Variants in NOTCH4 observed in about 807,000 individuals in gnomAD.
NOTCH4 encodes neurogenic locus notch homolog protein 4.
Under a neutral mutation model 189.0 loss-of-function variants are expected in NOTCH4, and 138 were observed. That is an observed-to-expected ratio of 0.73 (90% CI 0.64 to 0.84). The LOEUF (loss-of-function observed/expected upper bound fraction) is 0.84. NOTCH4 is among the 40% of genes least tolerant of loss of function. The probability of loss-of-function intolerance (pLI) is 0.00; values close to 1 mark genes in which losing one functional copy is unlikely to be tolerated. For synonymous variants in NOTCH4, 942 were observed against 1,032.8 expected, an observed-to-expected ratio of 0.91 and a Z score of 1.69; for missense variants, 2,286 against 2,605.4, an observed-to-expected ratio of 0.88 and a Z score of 2.67.
At position 32,197,496 on chromosome 6, in the gene NOTCH4, G is replaced by T. The variant is rs755664291; in HGVS notation, c.4855C>A (p.Leu1619Met). The T allele has an allele frequency of 3.7e-6, 6 of 1,606,116 alleles. No homozygotes were observed. Among genetic ancestry groups the T allele is most frequent in the Non-Finnish European group, 5.1e-6 (6 of 1,176,154 alleles). ...TGGGGACAGGCCCCTCCATCCAGCAGAGGTTCCCAGGGCTCAGGACATCCC... is the reference window on the plus strand; with the variant it reads ...TGGGGACAGGCCCCTCCATCCAGCATAGGTTCCCAGGGCTCAGGACATCCC... ...WLGCPEPWEPLLDGGACPQAH... is the reference protein window; with the variant it reads ...WLGCPEPWEPMLDGGACPQAH... Residue 1619 changes from leucine (L) to methionine (M), a missense_variant, in exon 27 of 30, where the codon CTG becomes ATG. Physicochemically the swap from Leu to Met is conservative, Grantham distance 15. Around this residue, in one of 2 missense-constraint regions of NOTCH4, gnomAD observed 1,903 missense variants for 2,261.9 expected, o/e 0.84. Transcript: ENST00000375023.
In NOTCH4 at chr6:32,200,401, G is replaced by T. The variant is rs1788264540; in HGVS notation, c.4315+430C>A. ...AATTTTTTTATTTTTAGTAGAGACAGGGTTTCACCGCATTAGCCAGGATGG... is the reference window on the plus strand; with the variant it reads ...AATTTTTTTATTTTTAGTAGAGACATGGTTTCACCGCATTAGCCAGGATGG... On this transcript the variant is annotated intron_variant, in intron 23 of 29. Transcript: ENST00000375023. The surrounding 1 kb of genome is among the most constrained non-coding windows in gnomAD (Gnocchi z 5.0). Among the ~76,000 whole-genome samples, 1 of 152,048 alleles carries T rather than the reference G, an allele frequency of 6.6e-6. No homozygotes were observed. The highest frequency in any genetic ancestry group is 1.5e-5 in the Non-Finnish European group (1 of 68,010).
Position 32,219,465 on chromosome 6 carries a change from A to G in NOTCH4, c.1510+127T>C, listed in dbSNP as rs1203591174. On this transcript the variant is annotated intron_variant, in intron 8 of 29. Coordinates refer to ENST00000375023, the MANE Select transcript of NOTCH4 (RefSeq NM_004557.4). The stretch of plus-strand genomic sequence containing the variant: ...TCCCTGAGTTTTCGTCTGGGGGTAG[A>G]GAGAGAAGCATCTGTGGTAACTTAC... The G allele has an allele frequency of 3.1e-5, 26 of 842,972 alleles. No homozygotes were observed. The South Asian group carries it at 3.7e-4, about 12-fold the overall frequency. 52.2% of individuals were successfully genotyped at this position (842,972 alleles called of 1,614,324 possible). A position where few individuals can be genotyped will look rare whatever the true frequency, so the allele number is the denominator to read the frequency against.
rs754490859 is a variant in NOTCH4, at chr6:32,195,925, G to A, written c.5524C>T (p.Arg1842Cys). 42 of 1,586,714 alleles carry A rather than the reference G, an allele frequency of 2.6e-5. No homozygotes were observed. The highest frequency in any genetic ancestry group is 3.6e-5 in the Non-Finnish European group (42 of 1,173,880). The change falls in exon 30 of 30, where the codon CGC becomes TGC. Residue 1842 changes from arginine to cysteine, a missense_variant. Coordinates refer to ENST00000375023, the MANE Select transcript of NOTCH4 (RefSeq NM_004557.4). The surrounding 1 kb of genome is among the most constrained non-coding windows in gnomAD (Gnocchi z 5.4). ...TPGREAGPFP[R>C]ARTVSVSVPP... The stretch of plus-strand genomic sequence containing the variant: ...ACGCTTACTGACACCGTCCGTGCGC[G>A]CGGGAAGGGCCCAGCCTCGCGGCCC...
chr6:32,209,848 C>A (rs9267832), intron 18 of NOTCH4, among the ~76,000 whole-genome samples: 40,295 of 151,062 alleles, frequency 0.27, 5,694 homozygotes, highest in Middle Eastern at 0.41. Flanking sequence ...ATGCCACTGC[C>A]CTTCAGCCTG....
intron 1 of NOTCH4, among the ~76,000 whole-genome samples, chr6:32,223,506 C>T (rs563693969): frequency 6.6e-6 from 1 of 152,154 alleles, no homozygotes; most frequent in East Asian, 1.9e-4. Flanking sequence ...CTTTCATGTC[C>T]CCATCTCCTG....
chr6:32,202,702 C>G lies in NOTCH4; in HGVS notation c.3232-103G>C. 1 of 1,122,142 alleles carries G rather than the reference C, an allele frequency of 8.9e-7. No homozygotes were observed. The highest frequency in any genetic ancestry group is 1.2e-6 in the Non-Finnish European group (1 of 815,678). The allele number at this position is 1,122,142 out of a possible 1,614,324, so 69.5% of individuals were successfully genotyped here. A position where few individuals can be genotyped will look rare whatever the true frequency, so the allele number is the denominator to read the frequency against. ...AAGACGGTGCAGAGGGTCCTAGATT[C>G]TCATATCTAAAAGGCGCCTCAGAGA... On this transcript the variant is annotated intron_variant, in intron 20 of 29. Coordinates refer to ENST00000375023, the MANE Select transcript of NOTCH4 (RefSeq NM_004557.4). This position sits in a 1 kb window ranked among gnomAD's most constrained non-coding sequence, Gnocchi z 5.7.
Position 32,195,886 on chromosome 6 carries a change from C to A in NOTCH4, c.5563G>T (p.Gly1855Cys). ...TVSVSVPPHGGGALPRCRTLS... is the reference protein window; with the variant it reads ...TVSVSVPPHGCGALPRCRTLS... ...GTCCGGCAGCGCGGCAGAGCCCCGCCCCCATGCGGGGGCACGCTTACTGAC... is the reference window on the plus strand; with the variant it reads ...GTCCGGCAGCGCGGCAGAGCCCCGCACCCATGCGGGGGCACGCTTACTGAC... Residue 1855 changes from glycine (G) to cysteine (C), a missense_variant, in exon 30 of 30, where the codon GGC becomes TGC. Transcript: ENST00000375023. The surrounding 1 kb of genome is among the most constrained non-coding windows in gnomAD (Gnocchi z 5.4). 6.3e-7 allele frequency: 1 copy of A among 1,590,630 alleles called. No homozygotes were observed. Among genetic ancestry groups the A allele is most frequent in the South Asian group, 1.1e-5 (1 of 90,104 alleles).
At position 32,209,611 on chromosome 6, in the gene NOTCH4, G is replaced by A. The variant is rs188059190; in HGVS notation, c.2865+1141C>T. On this transcript the variant is annotated intron_variant, in intron 18 of 29. Coordinates refer to ENST00000375023, the MANE Select transcript of NOTCH4 (RefSeq NM_004557.4). ...CAAAATATCACATGTGTCCAGGTGC[G>A]GTGGCTCATACCTGTAATCTTATCA... Among the ~76,000 whole-genome samples the A allele has an allele frequency of 4.2e-3, 640 of 152,204 alleles. 7 individuals carry two copies. The highest frequency in any genetic ancestry group is 4.0e-3 in the Non-Finnish European group (272 of 68,002).
intron 12 of NOTCH4, 79 bp from the exon 13 acceptor site, chr6:32,214,334 G>T: frequency 1.3e-6 from 2 of 1,504,868 alleles, no homozygotes; most frequent in Non-Finnish European, 1.8e-6. Context: ...GGACCCCTAT[G>T]ACTTCCTCTT....
At position 32,205,324 on chromosome 6, in the gene NOTCH4, C is replaced by T. The variant is rs371471257; in HGVS notation, c.2866-935G>A. Among the ~76,000 whole-genome samples the T allele has an allele frequency of 9.3e-5, 14 of 151,088 alleles. No individual in the cohort carries two copies. In the East Asian group the frequency reaches 1.6e-3, roughly 18 times the overall value. ...CAGCACTTTGGTAGGCTGAGGTGGG[C>T]AGATCACGAGGTCAGGAGTTCGAGA... On this transcript the variant is annotated intron_variant, in intron 18 of 29. Transcript: ENST00000375023.
chr6:32,195,107 T>C lies in NOTCH4; in HGVS notation c.*330A>G. ...TCATAGGGGCACCCTTTGGAAACCA[T>C]ATATAGGAAAGAACATCTTACATCC... On this transcript the variant is annotated 3_prime_UTR_variant, in exon 30 of 30. Transcript: ENST00000375023. The surrounding 1 kb of genome is among the most constrained non-coding windows in gnomAD (Gnocchi z 5.4). 1 of 349,556 alleles carries C rather than the reference T, an allele frequency of 2.9e-6. No individual in the cohort carries two copies. Among genetic ancestry groups the C allele is most frequent in the Non-Finnish European group, 5.2e-6 (1 of 191,196 alleles). 21.7% of individuals were successfully genotyped at this position (349,556 alleles called of 1,614,324 possible).
rs528464768 is a variant in NOTCH4 at position 32,203,861 on chromosome 6, A to G, written c.3140T>C (p.Ile1047Thr). The G allele has an allele frequency of 9.1e-5, 141 of 1,557,952 alleles. No homozygotes were observed. The highest frequency in any genetic ancestry group is 1.4e-4 in the Admixed American group (7 of 51,708). The stretch of plus-strand genomic sequence containing the variant: ...GCAGGGTTGGCTGTGGCAGGGGTCT[A>G]TCTCCACCTCACACCACTGGCCTGT... ...GHTGQWCEVEIDPCHSQPCFH... is the reference protein window; with the variant it reads ...GHTGQWCEVETDPCHSQPCFH... Residue 1047 changes from isoleucine to threonine, a missense_variant, in exon 20 of 30, where the codon ATA becomes ACA. Transcript: ENST00000375023.
rs765480309 is a variant in NOTCH4 at position 32,210,914 on chromosome 6, G to A, written c.2703C>T (p.Cys901=). The change falls in exon 18 of 30, where the codon TGC becomes TGT. Residue 901 remains cysteine (C), a synonymous_variant. Transcript: ENST00000375023. The surrounding 1 kb of genome is among the most constrained non-coding windows in gnomAD (Gnocchi z 4.8). ...TGTCGACACAGAGGCCTCCATTGTG[G>A]CAAAGGGAAGAGACGTCTATGCCTG... The part of the protein sequence containing the change: ...LSQGIDVSSL[C]HNGGLCVDSG... The A allele has an allele frequency of 6.2e-7, 1 of 1,602,868 alleles. No homozygotes were observed. Among genetic ancestry groups the A allele is most frequent in the South Asian group, 1.1e-5 (1 of 89,872 alleles).
At position 32,223,887 on chromosome 6, in the gene NOTCH4, C is replaced by CAGA; in HGVS notation, c.41_42insTCT (p.Leu16dup). The stretch of plus-strand genomic sequence containing the variant: ...GTCTGACCACTGAGACACATAGCAG[C>CAGA]AGCAGCAGCAGCAGCAGCAGCAGCA... On this transcript the variant is annotated inframe_insertion, in exon 1 of 30. Coordinates refer to ENST00000375023, the MANE Select transcript of NOTCH4 (RefSeq NM_004557.4). 9.0e-7 allele frequency: 1 copy of CAGA among 1,111,724 alleles called. No individual in the cohort carries two copies. The highest frequency in any genetic ancestry group is 1.2e-6 in the Non-Finnish European group (1 of 828,560). 68.9% of individuals were successfully genotyped at this position (1,111,724 alleles called of 1,614,324 possible). A position where few individuals can be genotyped will look rare whatever the true frequency, so the allele number is the denominator to read the frequency against.
chr6:32,200,472 G>A lies in NOTCH4; in HGVS notation c.4315+359C>T, dbSNP rs1031837491. On this transcript the variant is annotated intron_variant, in intron 23 of 29. Transcript: ENST00000375023. This position sits in a 1 kb window ranked among gnomAD's most constrained non-coding sequence, Gnocchi z 5.0. ...GATCCACCTGCCTTGGTCTCCCAAC[G>A]TGCTGGGATTATAGGCATGAGCCAC... 2.6e-5 allele frequency among the ~76,000 whole-genome samples: 4 copies of A among 152,296 alleles called. No individual in the cohort carries two copies. Among genetic ancestry groups the A allele is most frequent in the Admixed American group, 6.5e-5 (1 of 15,304 alleles).
At position 32,201,073 on chromosome 6, in the gene NOTCH4, TAAA is replaced by T; in HGVS notation, c.4139+41_4139+43del. 6.4e-7 allele frequency: 1 copy of T among 1,574,744 alleles called. No individual in the cohort carries two copies. Among genetic ancestry groups the T allele is most frequent in the Non-Finnish European group, 8.6e-7 (1 of 1,160,996 alleles). ...GCTCCCTTTCCTCCCTCTGCCCTCT[TAAA>T]AAAACTGGTGTCTGGCCCTTCCCTC... is the stretch of plus-strand genomic sequence containing the variant. On this transcript the variant is annotated intron_variant, in intron 22 of 29. Transcript: ENST00000375023. The surrounding 1 kb of genome is among the most constrained non-coding windows in gnomAD (Gnocchi z 5.5).
chr6:32,197,523 A>C lies in NOTCH4; in HGVS notation c.4828T>G (p.Leu1610Val). ...VQSGTFQGAWLGCPEPWEPLL... is the reference protein window; with the variant it reads ...VQSGTFQGAWVGCPEPWEPLL... Reference sequence around the variant, plus strand: ...GGTTCCCAGGGCTCAGGACATCCCAACCATGCCCCTTGGAAGGTCCCGGAC... The same window carrying C: ...GGTTCCCAGGGCTCAGGACATCCCACCCATGCCCCTTGGAAGGTCCCGGAC... The change falls in exon 27 of 30, where the codon TTG (leucine) becomes GTG (valine). Residue 1610 changes from leucine to valine, a missense_variant. Around this residue, in one of 2 missense-constraint regions of NOTCH4, gnomAD observed 1,903 missense variants for 2,261.9 expected, o/e 0.84. Transcript: ENST00000375023. The C allele has an allele frequency of 6.2e-7, 1 of 1,611,914 alleles. No homozygotes were observed. Among genetic ancestry groups the C allele is most frequent in the Non-Finnish European group, 8.5e-7 (1 of 1,179,022 alleles).
chr6:32,219,456 TGGG>T, intron 8 of NOTCH4, 133 bp downstream of exon 8: 1 of 789,186 alleles, frequency 1.3e-6, no homozygotes. Context: ...AGTTTTCGTC[TGGG>T]GGTAGAGAGA....
rs765449116 is a variant in NOTCH4 at position 32,212,086 on chromosome 6, G to A, written c.2680+388C>T. On this transcript the variant is annotated intron_variant, in intron 17 of 29. Transcript: ENST00000375023. The surrounding 1 kb of genome is among the most constrained non-coding windows in gnomAD (Gnocchi z 4.4). Reference sequence around the variant, plus strand: ...AGTGTTCTTTTACAAAGAGGGTGGCGTGACATCGAAGTGAGTGGGGTGGGG... The same window carrying A: ...AGTGTTCTTTTACAAAGAGGGTGGCATGACATCGAAGTGAGTGGGGTGGGG... 9.2e-5 allele frequency among the ~76,000 whole-genome samples: 14 copies of A among 152,100 alleles called. No individual in the cohort carries two copies. Among genetic ancestry groups the A allele is most frequent in the African/African-American group, 1.9e-4 (8 of 41,386 alleles).
Sources: allele counts gnomAD v4.1 joint callset (sites outside exome capture counted in the v4.1 genomes callset), GRCh38; gene constraint gnomAD v4.1.1; regional missense constraint gnomAD v4.1.1; non-coding constraint Gnocchi (gnomAD v3.1); transcripts MANE v1.5; gene names NCBI Gene and HGNC (gene_info 2026-07-23, HGNC 2026-07-21).